The following ZNF324B variants were observed in gnomAD, a reference collection of about 807,000 sequenced individuals.
ZNF324B encodes the protein zinc finger protein 324B.
Under a neutral mutation model 10.6 loss-of-function variants are expected in ZNF324B, and 7 were observed. The ratio of observed to expected loss-of-function variants is 0.66; its 90% CI spans 0.38 to 1.24. The LOEUF (loss-of-function observed/expected upper bound fraction) is 1.24. Among genes scored for constraint, ZNF324B ranks in the 50% most tolerant of loss-of-function variants. The pLI, the probability that ZNF324B is intolerant of heterozygous loss-of-function variation, is 0.02. For synonymous variants in ZNF324B, 316 were observed against 321.0 expected (o/e 0.98, Z 0.17); for missense variants, 640 against 764.7 (o/e 0.84, Z 1.92).
the ZNF324B span, chr19:58,429,226 C>T: frequency 1.5e-3 from 226 of 152,356 alleles, no homozygotes; most frequent in African/African-American, 5.4e-3. Flanking sequence ...CAAACCACCT[C>T]ACCAACTCTG....
the ZNF324B span, chr19:58,429,671 C>T: frequency 6.6e-6 from 1 of 152,206 alleles, no homozygotes; most frequent in Admixed American, 6.5e-5. Flanking sequence ...GGCCAAGAAA[C>T]CTTTTCTGGA....
intron 2 of ZNF324B, 53 bp from the exon 3 acceptor site, chr19:58,454,175 G>C (rs1458707563): frequency 1.5e-5 from 17 of 1,162,936 alleles, no homozygotes; most frequent in South Asian, 1.4e-4. Context: ...CTCTCTGTTG[G>C]GAGGTGGGTT....
the ZNF324B span, among the ~76,000 whole-genome samples, chr19:58,427,389 T>TC: frequency 3.3e-3 from 159 of 48,894 alleles, no homozygotes; most frequent in African/African-American, 0.013. Context: ...TTTCTTTCTT[T>TC]CTTTCTTTCT....
chr19:58,432,572 T>C, the ZNF324B span, among the ~76,000 whole-genome samples: 1 of 152,200 alleles, frequency 6.6e-6, no homozygotes, highest in Non-Finnish European at 1.5e-5. Context: ...TAGATGAGTT[T>C]ATTTTTCCTC....
chr19:58,455,492 G>A lies in ZNF324B; in HGVS notation c.548G>A (p.Arg183Gln), dbSNP rs757869259. The change falls in exon 4 of 4, where the codon CGG (arginine) becomes CAG (glutamine). Residue 183 changes from arginine (R) to glutamine (Q), a missense_variant. Physicochemically the swap from Arg to Gln is conservative, Grantham distance 43 (BLOSUM62 1). Coordinates refer to ENST00000336614, the MANE Select transcript of ZNF324B (RefSeq NM_207395.3). This position sits in a 1 kb window ranked among gnomAD's most constrained non-coding sequence, Gnocchi z 7.0. ...AGGGAAAAGACCTTCACAGAGTACC[G>A]GGTGCCTGGGAGGCAGCCCAGGACG... ...RPREKTFTEY[R>Q]VPGRQPRTPE... The A allele has an allele frequency of 1.2e-6, 2 of 1,613,920 alleles. No individual in the cohort carries two copies. The highest frequency in any genetic ancestry group is 1.7e-6 in the Non-Finnish European group (2 of 1,179,974).
In ZNF324B at chr19:58,455,682, G is replaced by A; in HGVS notation, c.738G>A (p.Leu246=). 1 of 1,613,524 alleles carries A rather than the reference G, an allele frequency of 6.2e-7. No homozygotes were observed. The highest frequency in any genetic ancestry group is 8.5e-7 in the Non-Finnish European group (1 of 1,179,860). Residue 246 remains leucine (L), a synonymous_variant, in exon 4 of 4, where the codon CTG becomes CTA. Coordinates refer to ENST00000336614, the MANE Select transcript of ZNF324B (RefSeq NM_207395.3). This position sits in a 1 kb window ranked among gnomAD's most constrained non-coding sequence, Gnocchi z 7.0. ...GGQEPSTWDE[L]GEALHAGEKS... is the part of the protein sequence containing the mutation. ...AGGAGCCCTCGACCTGGGACGAGCT[G>A]GGCGAGGCTCTTCACGCTGGGGAGA...
the ZNF324B span, chr19:58,441,982 T>C: frequency 1.3e-5 from 2 of 152,282 alleles, no homozygotes; most frequent in African/African-American, 4.8e-5. Context: ...GTCTCCTCTT[T>C]CCCCTACACA....
the ZNF324B span, chr19:58,441,248 A>G: frequency 6.6e-6 from 1 of 152,290 alleles, no homozygotes; most frequent in Non-Finnish European, 1.5e-5. Flanking sequence ...GAATTTGGAA[A>G]GTATTTCAGT....
rs2052885120 is a variant in ZNF324B, at chr19:58,453,747, G to A, written c.46G>A (p.Gly16Arg). 6.2e-7 allele frequency: 1 copy of A among 1,614,192 alleles called. No individual in the cohort carries two copies. Among genetic ancestry groups the A allele is most frequent in the Non-Finnish European group, 8.5e-7 (1 of 1,180,020 alleles). The change falls in exon 2 of 4, where the codon GGG (glycine) becomes AGG (arginine). Residue 16 changes from glycine to arginine, a missense_variant. Physicochemically the swap from Gly to Arg is moderately radical, Grantham distance 125. Coordinates refer to ENST00000336614, the MANE Select transcript of ZNF324B (RefSeq NM_207395.3). The part of the protein sequence containing the change: ...VAVYFSQEEW[G>R]LLDTAQRALY... The stretch of plus-strand genomic sequence containing the variant: ...CGTGTACTTCTCCCAGGAGGAGTGG[G>A]GGCTCCTGGACACAGCGCAGAGGGC...
the ZNF324B span, among the ~76,000 whole-genome samples, chr19:58,446,226 A>G: frequency 6.6e-6 from 1 of 152,182 alleles, no homozygotes; most frequent in South Asian, 2.1e-4. Context: ...CCCTGAGGAG[A>G]CACTCCATGA....
At chr19:58,434,636 C>T in the ZNF324B span, 6 of 1,614,126 alleles carry the variant, frequency 3.7e-6, no homozygotes, top group Non-Finnish European at 5.1e-6. Context: ...AAGAAATTTC[C>T]ACCTGTTGGG....
the ZNF324B span, chr19:58,444,550 G>C: frequency 6.6e-6 from 1 of 152,174 alleles, no homozygotes; most frequent in Non-Finnish European, 1.5e-5. Flanking sequence ...TTCCATTTGA[G>C]GAGTATGGGC....
At chr19:58,434,886 G>C in the ZNF324B span, 1 of 1,614,196 alleles carries the variant, frequency 6.2e-7, no homozygotes, top group South Asian at 1.1e-5. Flanking sequence ...TCTCTGACAG[G>C]TGGACTTTAG....
chr19:58,447,078 C>A (rs2122327643), upstream of ZNF324B, among the ~76,000 whole-genome samples: 2 of 152,176 alleles, frequency 1.3e-5, no homozygotes, highest in Middle Eastern at 6.8e-3. Context: ...CGGTTTCAAG[C>A]AATTCTTCTG....
chr19:58,446,333 C>T, the ZNF324B span, among the ~76,000 whole-genome samples: 7 of 152,106 alleles, frequency 4.6e-5, no homozygotes, highest in Non-Finnish European at 1.0e-4. Flanking sequence ...CTTTGCAACC[C>T]GCTGAGGGAC....
chr19:58,443,927 C>T, the ZNF324B span: 1 of 152,252 alleles, frequency 6.6e-6, no homozygotes, highest in Non-Finnish European at 1.5e-5. Context: ...TGTATAGGAT[C>T]ACTGCCACCA....
upstream of ZNF324B, among the ~76,000 whole-genome samples, chr19:58,447,889 G>C (rs2052834980): frequency 6.6e-6 from 1 of 152,186 alleles, no homozygotes; most frequent in South Asian, 2.1e-4. Context: ...CAAGAGACCT[G>C]ATGGTTTTAT....
chr19:58,434,975 G>T, the ZNF324B span: 1 of 1,614,162 alleles, frequency 6.2e-7, no homozygotes, highest in Non-Finnish European at 8.5e-7. Context: ...TGCTGGTGAA[G>T]GTTTGCATTC....
chr19:58,456,492 C>T lies in ZNF324B; in HGVS notation c.1548C>T (p.Thr516=), dbSNP rs140921381. 1.2e-6 allele frequency: 2 copies of T among 1,614,090 alleles called. No individual in the cohort carries two copies. The highest frequency in any genetic ancestry group is 1.7e-5 in the Admixed American group (1 of 60,014). The part of the protein sequence containing the change: ...EKTNAAAPDC[T]PGPGFLQGHH... ...CCAATGCCGCAGCACCAGACTGCACCCCGGGGCCAGGTTTCCTTCAGGGAC... is the reference window on the plus strand; with the variant it reads ...CCAATGCCGCAGCACCAGACTGCACTCCGGGGCCAGGTTTCCTTCAGGGAC... Residue 516 remains threonine, a synonymous_variant, in exon 4 of 4, where the codon ACC becomes ACT. Transcript: ENST00000336614. This position sits in a 1 kb window ranked among gnomAD's most constrained non-coding sequence, Gnocchi z 4.7.
Sources: allele counts gnomAD v4.1 joint callset (sites outside exome capture counted in the v4.1 genomes callset), GRCh38; gene constraint gnomAD v4.1.1; non-coding constraint Gnocchi (gnomAD v3.1); transcripts MANE v1.5; gene names NCBI Gene and HGNC (gene_info 2026-07-23, HGNC 2026-07-21).